Variants in TAFA2 observed in about 807,000 individuals in gnomAD.
The protein encoded by TAFA2 is chemokine-like protein TAFA-2.
A neutral mutation model predicts 18.8 loss-of-function variants in TAFA2; 7 were observed. The ratio of observed to expected loss-of-function variants is 0.37; its 90% CI spans 0.21 to 0.70. The LOEUF is 0.70. Among genes scored for constraint, TAFA2 ranks in the 30% least tolerant of loss-of-function variants. The pLI is 0.53. For synonymous variants in TAFA2, 60 were observed against 54.2 expected, an observed-to-expected ratio of 1.11 and a Z score of -0.47; for missense variants, 122 against 158.1, an observed-to-expected ratio of 0.77 and a Z score of 1.23.
chr12:61,891,099 T>A (rs1875613106), intron 1 of TAFA2, among the ~76,000 whole-genome samples: 1 of 152,198 alleles, frequency 6.6e-6, no homozygotes, highest in Non-Finnish European at 1.5e-5. Flanking sequence ...AGTCCTTCCA[T>A]CATGTAATTT....
chr12:61,954,321 T>A (rs1468524187), intron 1 of TAFA2, among the ~76,000 whole-genome samples: 2 of 152,172 alleles, frequency 1.3e-5, no homozygotes, highest in African/African-American at 4.8e-5. Context: ...TAGGAAATAA[T>A]AAAAGCACGG....
At chr12:61,788,992 T>C (rs1347563074) in intron 2 of TAFA2, among the ~76,000 whole-genome samples, 1 of 151,738 alleles carries the variant, frequency 6.6e-6, no homozygotes, top group African/African-American at 2.4e-5. Context: ...TTTGATGGGG[T>C]CATTTTTTTC....
intron 2 of TAFA2, among the ~76,000 whole-genome samples, chr12:61,842,221 A>G (rs1329413304): frequency 2.0e-5 from 3 of 151,968 alleles, no homozygotes; most frequent in African/African-American, 7.2e-5. Flanking sequence ...GAAGAGAACA[A>G]AAATATGGTA....
At chr12:62,233,529 G>C (rs2062822209) in intron 1 of TAFA2, among the ~76,000 whole-genome samples, 1 of 152,290 alleles carries the variant, frequency 6.6e-6, no homozygotes, top group African/African-American at 2.4e-5. Flanking sequence ...GAAAGTGCTA[G>C]ATCATCAACC....
upstream of TAFA2, among the ~76,000 whole-genome samples, chr12:62,194,908 T>A (rs1456814152): frequency 6.6e-6 from 1 of 152,238 alleles, no homozygotes; most frequent in East Asian, 1.9e-4. Flanking sequence ...AATAGCATTT[T>A]GTCTTAAAAA....
At chr12:62,166,836 G>T (rs186793271) in intron 1 of TAFA2, among the ~76,000 whole-genome samples, 3 of 152,272 alleles carry the variant, frequency 2.0e-5, no homozygotes, top group Admixed American at 6.5e-5. Flanking sequence ...ACAGCTTGAA[G>T]AATTATCTGG....
intron 1 of TAFA2, among the ~76,000 whole-genome samples, chr12:61,918,330 C>T (rs1876914871): frequency 6.6e-6 from 1 of 152,114 alleles, no homozygotes; most frequent in African/African-American, 2.4e-5. Flanking sequence ...CCTTCCCAGC[C>T]TCAGGTAACC....
At chr12:62,017,023 A>G (rs1880960924) in intron 1 of TAFA2, among the ~76,000 whole-genome samples, 1 of 152,222 alleles carries the variant, frequency 6.6e-6, no homozygotes, top group East Asian at 1.9e-4. Context: ...ATACATAGCT[A>G]AATTACTGAG....
At chr12:61,994,248 A>C (rs1333920479) in intron 1 of TAFA2, among the ~76,000 whole-genome samples, 1 of 152,152 alleles carries the variant, frequency 6.6e-6, no homozygotes, top group African/African-American at 2.4e-5. Flanking sequence ...TGTCACCATC[A>C]TAACTTCATG....
chr12:62,149,523 A>T (rs536189091), intron 1 of TAFA2, among the ~76,000 whole-genome samples: 1 of 150,324 alleles, frequency 6.7e-6, no homozygotes, highest in East Asian at 1.9e-4. Context: ...GCCAAAAAAT[A>T]AACATTTGCT....
chr12:62,192,786 A>G (rs1471552003), upstream of TAFA2: 1 of 152,228 alleles, frequency 6.6e-6, no homozygotes, highest in Non-Finnish European at 1.5e-5. Context: ...AGAGCAAACA[A>G]CGGTCCTGCA....
At chr12:61,719,306 A>C (rs1283054831) in intron 4 of TAFA2, among the ~76,000 whole-genome samples, 2 of 152,188 alleles carry the variant, frequency 1.3e-5, no homozygotes. Flanking sequence ...CATAGACATA[A>C]ACAATTGCCA....
At chr12:61,861,525 G>T (rs536483096) in intron 2 of TAFA2, among the ~76,000 whole-genome samples, 1 of 152,194 alleles carries the variant, frequency 6.6e-6, no homozygotes, top group South Asian at 2.1e-4. Flanking sequence ...AAAGTGCTGG[G>T]ATTATAGGAG....
At chr12:61,753,891 A>G in intron 3 of TAFA2, 145 bp from the exon 4 acceptor site, 2 of 582,840 alleles carry the variant, frequency 3.4e-6, no homozygotes, top group South Asian at 7.0e-5. Context: ...TTTGTTCAAA[A>G]GGACAAAACC....
At chr12:62,137,662 C>T (rs1449270550) in intron 1 of TAFA2, among the ~76,000 whole-genome samples, 1 of 152,068 alleles carries the variant, frequency 6.6e-6, no homozygotes, top group Non-Finnish European at 1.5e-5. Context: ...ACCACCTCCA[C>T]TCCAACCACC....
intron 1 of TAFA2, among the ~76,000 whole-genome samples, chr12:61,953,809 G>A (rs1480065950): frequency 6.6e-6 from 1 of 152,154 alleles, no homozygotes; most frequent in Non-Finnish European, 1.5e-5. Flanking sequence ...ACAGAGAACT[G>A]AGCAAAGTGT....
In TAFA2 at chr12:61,788,974, G is replaced by A. The variant is rs561209136; in HGVS notation, c.107-33950C>T. Among the ~76,000 whole-genome samples the A allele has an allele frequency of 1.8e-4, 27 of 151,736 alleles. No homozygotes were observed. The South Asian group carries it at 2.9e-3, about 16-fold the overall frequency. ...CTTCTTTTGAGAAGCGTTTATCTTC[G>A]CCCACATTTTGATGGGGTCATTTTT... On this transcript the variant is annotated intron_variant, in intron 2 of 4. Transcript: ENST00000416284.
intron 1 of TAFA2, among the ~76,000 whole-genome samples, chr12:62,032,992 C>G (rs1381728342): frequency 6.6e-6 from 1 of 152,104 alleles, no homozygotes; most frequent in Non-Finnish European, 1.5e-5. Flanking sequence ...TTGATCCAAA[C>G]CGCAACCTCT....
chr12:61,734,618 G>A (rs1592353486), intron 4 of TAFA2, among the ~76,000 whole-genome samples: 1 of 151,996 alleles, frequency 6.6e-6, no homozygotes, highest in East Asian at 1.9e-4. Context: ...GTGCAGCAGA[G>A]ACAAAGCCAA....
Sources: allele counts gnomAD v4.1 joint callset (sites outside exome capture counted in the v4.1 genomes callset), GRCh38; gene constraint gnomAD v4.1.1; transcripts MANE v1.5; gene names NCBI Gene and HGNC (gene_info 2026-07-23, HGNC 2026-07-21).